The following TBC1D12 variants were observed in gnomAD, a reference collection of about 807,000 sequenced individuals.
TBC1D12 encodes TBC1 domain family, member 12.
TBC1D12 carries 56 observed loss-of-function variants against 86.7 expected under a neutral mutation model. The observed-to-expected ratio is 0.65, with a 90% CI of 0.52 to 0.81. The LOEUF is 0.81. Ranked by LOEUF, TBC1D12 falls within the 30% of genes least tolerant of loss-of-function variation. The pLI is 0.00. For synonymous variants in TBC1D12, 421 were observed against 411.7 expected (o/e 1.02, Z -0.27); for missense variants, 1,023 against 1,038.8 (o/e 0.98, Z 0.21).
chr10:94,526,612 C>T (rs1842296216), intron 11 of TBC1D12, among the ~76,000 whole-genome samples: 2 of 152,144 alleles, frequency 1.3e-5, no homozygotes, highest in Non-Finnish European at 2.9e-5. Context: ...GTATGTACCA[C>T]ATTTTCTTTA....
chr10:94,487,439 G>T, intron 3 of TBC1D12, among the ~76,000 whole-genome samples: 1 of 148,650 alleles, frequency 6.7e-6, no homozygotes, highest in Non-Finnish European at 1.5e-5. Flanking sequence ...TTTTTTTGGT[G>T]GTATGATTTA....
chr10:94,439,635 G>A (rs760232584), intron 1 of TBC1D12, among the ~76,000 whole-genome samples: 71 of 152,332 alleles, frequency 4.7e-4, no homozygotes, highest in Middle Eastern at 3.4e-3. Flanking sequence ...GCAGCAGCTG[G>A]AAACCACAGG....
intron 9 of TBC1D12, among the ~76,000 whole-genome samples, chr10:94,518,273 G>A (rs1842055660): frequency 6.6e-6 from 1 of 151,660 alleles, no homozygotes; most frequent in Admixed American, 6.6e-5. Flanking sequence ...GAGTGCAGTG[G>A]CACAATCTCA....
At chr10:94,441,033 A>G (rs1268104722) in intron 1 of TBC1D12, among the ~76,000 whole-genome samples, 2 of 152,220 alleles carry the variant, frequency 1.3e-5, no homozygotes, top group East Asian at 3.9e-4. Flanking sequence ...TATTTTTAGT[A>G]GAGACAGGGT....
chr10:94,520,537 G>C (rs1410418428), intron 9 of TBC1D12, among the ~76,000 whole-genome samples: 4 of 149,586 alleles, frequency 2.7e-5, no homozygotes, highest in African/African-American at 9.8e-5. Flanking sequence ...GGCTAAAAGG[G>C]TGAAACTCCA....
intron 3 of TBC1D12, among the ~76,000 whole-genome samples, chr10:94,476,766 A>G (rs1458396129): frequency 1.3e-5 from 2 of 152,156 alleles, no homozygotes; most frequent in African/African-American, 4.8e-5. Context: ...CTTTCTTTAC[A>G]CCATACTCTA....
intron 6 of TBC1D12, among the ~76,000 whole-genome samples, chr10:94,502,065 G>A (rs2056405245): frequency 1.3e-5 from 2 of 151,532 alleles, no homozygotes; most frequent in Admixed American, 1.3e-4. Context: ...AGGCGCGGTG[G>A]CTCACGCCTG....
chr10:94,478,836 C>G (rs1456179803), intron 3 of TBC1D12, among the ~76,000 whole-genome samples: 1 of 152,062 alleles, frequency 6.6e-6, no homozygotes, highest in East Asian at 1.9e-4. Context: ...CTACCTATGT[C>G]ATAGCACCTG....
In TBC1D12 at chr10:94,471,474, A is replaced by G. The variant is rs555775531; in HGVS notation, c.1096-3194A>G. 3.3e-5 allele frequency among the ~76,000 whole-genome samples: 5 copies of G among 152,322 alleles called. No homozygotes were observed. In the East Asian group the frequency reaches 9.6e-4, roughly 29 times the overall value. ...ATGATTAAGTCCAAATATTTTAGCCAGTGAAAGGCCCTGTAATTTAACCCA... is the reference window on the plus strand; with the variant it reads ...ATGATTAAGTCCAAATATTTTAGCCGGTGAAAGGCCCTGTAATTTAACCCA... On this transcript the variant is annotated intron_variant, in intron 2 of 12. Transcript: ENST00000225235.
chr10:94,464,115 C>A (rs2055771345), intron 2 of TBC1D12, among the ~76,000 whole-genome samples: 1 of 152,006 alleles, frequency 6.6e-6, no homozygotes, highest in South Asian at 2.1e-4. Flanking sequence ...TGTTTTCATC[C>A]TTTTATTCTT....
intron 9 of TBC1D12, among the ~76,000 whole-genome samples, chr10:94,516,896 G>A (rs1042594651): frequency 1.3e-5 from 2 of 151,650 alleles, no homozygotes; most frequent in African/African-American, 4.8e-5. Flanking sequence ...GACATTTTAG[G>A]CTAAATTTTA....
chr10:94,403,526 C>T lies in TBC1D12; in HGVS notation c.913C>T (p.Pro305Ser). The part of the protein sequence containing the change: ...PVPLPAAEQG[P>S]AGASARARRS... ...GCCCTTGCCCGCCGCGGAGCAGGGT[C>T]CTGCGGGGGCTTCGGCCCGGGCTCG... is the stretch of plus-strand genomic sequence containing the variant. Residue 305 changes from proline to serine, a missense_variant, in exon 1 of 13, where the codon CCT becomes TCT. By Grantham distance (74) the Pro-to-Ser change is moderately conservative. Around this residue, in one of 2 missense-constraint regions of TBC1D12, gnomAD observed 628 missense variants for 531.1 expected, o/e 1.18. Coordinates refer to ENST00000225235, the MANE Select transcript of TBC1D12 (RefSeq NM_015188.2). 6.5e-7 allele frequency: 1 copy of T among 1,538,102 alleles called. No homozygotes were observed. The highest frequency in any genetic ancestry group is 8.7e-7 in the Non-Finnish European group (1 of 1,150,776).
At chr10:94,450,919 G>A (rs907565697) in intron 2 of TBC1D12, among the ~76,000 whole-genome samples, 1 of 152,034 alleles carries the variant, frequency 6.6e-6, no homozygotes, top group African/African-American at 2.4e-5. Flanking sequence ...GAAATGGAAA[G>A]TTAAACACCA....
intron 3 of TBC1D12, among the ~76,000 whole-genome samples, chr10:94,482,456 GT>G (rs796238551): frequency 1.5e-3 from 221 of 145,294 alleles, no homozygotes; most frequent in Non-Finnish European, 7.9e-4. Context: ...TTCATTCTGG[GT>G]TTTTTTTTTT....
chr10:94,476,115 TTC>T (rs767950968), intron 3 of TBC1D12, among the ~76,000 whole-genome samples: 1 of 151,964 alleles, frequency 6.6e-6, no homozygotes, highest in African/African-American at 2.4e-5. Context: ...AAAGAATTCT[TTC>T]TCTCTCTCTC....
chr10:94,531,549 T>C, intron 12 of TBC1D12, 89 bp downstream of exon 12: 3 of 1,316,720 alleles, frequency 2.3e-6, no homozygotes, highest in Non-Finnish European at 3.0e-6. Flanking sequence ...AGTTAGTACT[T>C]AAAAATATGT....
In TBC1D12 at chr10:94,403,351, C is replaced by A; in HGVS notation, c.738C>A (p.Gly246=). ...TCGGCGCCGGGGGTCCCGAGGAGGG[C>A]GCGCCCCCTGCCACCTCGGCCGAGA... The part of the protein sequence containing the change: ...RGVGAGGPEE[G]APPATSAERT... Residue 246 remains glycine, a synonymous_variant, in exon 1 of 13, where the codon GGC becomes GGA. Transcript: ENST00000225235. 1 of 1,523,944 alleles carries A rather than the reference C, an allele frequency of 6.6e-7. No individual in the cohort carries two copies. Among genetic ancestry groups the A allele is most frequent in the East Asian group, 2.7e-5 (1 of 37,322 alleles). 94.4% of individuals were successfully genotyped at this position (1,523,944 alleles called of 1,614,324 possible).
chr10:94,495,027 C>CTTT (rs34125941), intron 4 of TBC1D12, among the ~76,000 whole-genome samples: 19 of 140,392 alleles, frequency 1.4e-4, no homozygotes, highest in African/African-American at 3.9e-4. Flanking sequence ...ACACCCAGCT[C>CTTT]TTTTTTTTTT....
Position 94,533,150 on chromosome 10 carries a change from T to C in TBC1D12, c.*54T>C. On this transcript the variant is annotated 3_prime_UTR_variant, in exon 13 of 13. Transcript: ENST00000225235. ...AGAAAAAGTGGTTTTTGGATAAAGG[T>C]TTTTTGTTTCCTATGTAAAAGGCGT... is the stretch of plus-strand genomic sequence containing the variant. The C allele has an allele frequency of 8.3e-7, 1 of 1,198,794 alleles. No homozygotes were observed. The highest frequency in any genetic ancestry group is 2.5e-5 in the East Asian group (1 of 39,366). The allele number at this position is 1,198,794 out of a possible 1,614,324, so 74.3% of individuals were successfully genotyped here.
Sources: allele counts gnomAD v4.1 joint callset (sites outside exome capture counted in the v4.1 genomes callset), GRCh38; gene constraint gnomAD v4.1.1; regional missense constraint gnomAD v4.1.1; transcripts MANE v1.5; gene names NCBI Gene and HGNC (gene_info 2026-07-23, HGNC 2026-07-21).